RIMS1: variants seen among roughly 807,000 people sequenced by gnomAD.
RIMS1 encodes regulating synaptic membrane exocytosis 1.
A neutral mutation model predicts 214.1 loss-of-function variants in RIMS1; 83 were observed. The ratio of observed to expected loss-of-function variants is 0.39; its 90% CI spans 0.32 to 0.47. RIMS1 has a LOEUF of 0.47. Ranked by LOEUF, RIMS1 falls within the 20% of genes least tolerant of loss-of-function variation. RIMS1 has a pLI of 0.99. For missense variants in RIMS1, 2,050 were observed against 2,161.8 expected (o/e 0.95, Z 1.03); for synonymous variants, 793 against 786.8 (o/e 1.01, Z -0.13).
intron 4 of RIMS1, among the ~76,000 whole-genome samples, chr6:72,132,703 CA>C (rs770524431): frequency 2.6e-5 from 4 of 151,988 alleles, no homozygotes; most frequent in Non-Finnish European, 2.9e-5. Context: ...CCAGTGCAGA[CA>C]AATCTCTTAA....
intron 29 of RIMS1, among the ~76,000 whole-genome samples, chr6:72,350,572 G>A (rs899423654): frequency 6.8e-6 from 1 of 147,180 alleles, no homozygotes; most frequent in African/African-American, 2.4e-5. Flanking sequence ...TTAAAGTAAT[G>A]CCAGTTGTCT....
At chr6:72,355,034 A>T (rs1332458111) in intron 29 of RIMS1, among the ~76,000 whole-genome samples, 1 of 152,222 alleles carries the variant, frequency 6.6e-6, no homozygotes, top group Non-Finnish European at 1.5e-5. Context: ...TGCACCGAAA[A>T]TGCTATCAAC....
In RIMS1 at chr6:72,057,504, T is replaced by C. The variant is rs181749449; in HGVS notation, c.246-39445T>C. Among the ~76,000 whole-genome samples the C allele has an allele frequency of 2.2e-3, 327 of 150,358 alleles. 1 individual carries two copies. Among genetic ancestry groups the C allele is most frequent in the South Asian group, 4.6e-3 (22 of 4,752 alleles). ...ATCAGTACACCTTCTTTTTCTTTTT[T>C]TTTTTTTTTTTTTCTTTTTTTGAGA... is the stretch of plus-strand genomic sequence containing the variant. On this transcript the variant is annotated intron_variant, in intron 2 of 33. Transcript: ENST00000521978.
intron 2 of RIMS1, among the ~76,000 whole-genome samples, chr6:72,073,090 G>C (rs1048327170): frequency 1.1e-4 from 16 of 152,172 alleles, no homozygotes; most frequent in Admixed American, 8.5e-4. Flanking sequence ...TGACTGTGGA[G>C]CAAATGGCGT....
At chr6:71,897,103 G>A (rs1022245938) in intron 1 of RIMS1, among the ~76,000 whole-genome samples, 3 of 152,048 alleles carry the variant, frequency 2.0e-5, no homozygotes, top group African/African-American at 7.3e-5. Flanking sequence ...TGTGTGGGTA[G>A]CATCACCACT....
intron 1 of RIMS1, among the ~76,000 whole-genome samples, chr6:71,930,776 T>C (rs1782798716): frequency 6.6e-6 from 1 of 152,076 alleles, no homozygotes. Context: ...ATGGAAATAA[T>C]GTTAGCACAA....
chr6:72,026,455 G>GC (rs3079699), intron 2 of RIMS1, among the ~76,000 whole-genome samples: 9,869 of 85,364 alleles, frequency 0.12, 786 homozygotes, highest in East Asian at 0.17. Context: ...CCCCAGCACC[G>GC]CCCCCCCCCC....
intron 1 of RIMS1, among the ~76,000 whole-genome samples, chr6:71,920,430 T>C (rs1779643450): frequency 6.6e-6 from 1 of 152,170 alleles, no homozygotes; most frequent in African/African-American, 2.4e-5. Context: ...TCTTTATAAC[T>C]TTTTCGTAAA....
At chr6:72,272,251 A>T (rs1462458756) in intron 22 of RIMS1, among the ~76,000 whole-genome samples, 2 of 152,312 alleles carry the variant, frequency 1.3e-5, no homozygotes, top group African/African-American at 2.4e-5. Flanking sequence ...AATTTTGGTC[A>T]TTCCTTGTAA....
chr6:72,184,021 A>G (rs2048753931), intron 6 of RIMS1, among the ~76,000 whole-genome samples: 1 of 152,216 alleles, frequency 6.6e-6, no homozygotes. Context: ...TTACTGTAAT[A>G]ATTTCCTTAG....
intron 28 of RIMS1, among the ~76,000 whole-genome samples, chr6:72,314,967 A>G (rs1191922478): frequency 6.6e-6 from 1 of 152,198 alleles, no homozygotes; most frequent in Non-Finnish European, 1.5e-5. Flanking sequence ...CCAATTGCAT[A>G]GAATAACTTG....
chr6:72,342,044 T>C (rs1406138456), intron 29 of RIMS1, among the ~76,000 whole-genome samples: 1 of 151,836 alleles, frequency 6.6e-6, no homozygotes, highest in African/African-American at 2.4e-5. Flanking sequence ...ATTCTGTACC[T>C]TTCCAATATT....
At chr6:72,337,055 C>T (rs1006482867) in intron 29 of RIMS1, among the ~76,000 whole-genome samples, 2 of 151,756 alleles carry the variant, frequency 1.3e-5, no homozygotes, top group African/African-American at 2.4e-5. Context: ...ACTTCGGATT[C>T]TCTTAATTTT....
chr6:71,949,910 T>C (rs1158912678), intron 1 of RIMS1, among the ~76,000 whole-genome samples: 1 of 152,140 alleles, frequency 6.6e-6, no homozygotes, highest in African/African-American at 2.4e-5. Context: ...AGACATGGCT[T>C]CAATATTCAT....
intron 2 of RIMS1, among the ~76,000 whole-genome samples, chr6:72,026,160 C>A (rs1816394310): frequency 2.0e-5 from 3 of 152,106 alleles, no homozygotes; most frequent in Admixed American, 6.6e-5. Flanking sequence ...TTTTCAGTGG[C>A]TATCTTGGAG....
intron 24 of RIMS1, among the ~76,000 whole-genome samples, chr6:72,285,277 G>A (rs1342464500): frequency 6.6e-6 from 1 of 152,178 alleles, no homozygotes; most frequent in African/African-American, 2.4e-5. Context: ...TAGATCAAAG[G>A]ATCTAGGGGT....
intron 1 of RIMS1, among the ~76,000 whole-genome samples, chr6:71,959,618 T>A (rs1028767973): frequency 1.3e-4 from 20 of 151,842 alleles, no homozygotes; most frequent in Non-Finnish European, 2.2e-4. Context: ...TTTTTTTTTT[T>A]AAAGTGTGGA....
intron 2 of RIMS1, among the ~76,000 whole-genome samples, chr6:72,007,933 G>A (rs920037975): frequency 5.9e-5 from 9 of 152,308 alleles, no homozygotes; most frequent in African/African-American, 2.2e-4. Context: ...CCCCAATCTA[G>A]CAAGGCAGGC....
chr6:72,061,075 T>C (rs1448626798), intron 2 of RIMS1, among the ~76,000 whole-genome samples: 1 of 152,208 alleles, frequency 6.6e-6, no homozygotes, highest in African/African-American at 2.4e-5. Flanking sequence ...AGGTATGTGA[T>C]TATTTGGAAC....
Sources: allele counts gnomAD v4.1 joint callset (sites outside exome capture counted in the v4.1 genomes callset), GRCh38; gene constraint gnomAD v4.1.1; transcripts MANE v1.5; gene names NCBI Gene and HGNC (gene_info 2026-07-23, HGNC 2026-07-21).